Variants in CEP15 observed in about 807,000 individuals in gnomAD.
CEP15 encodes the protein centrosomal protein 15 kDa.
chr3:62,324,351 C>T, the CEP15 span, among the ~76,000 whole-genome samples: 2 of 152,102 alleles, frequency 1.3e-5, no homozygotes, highest in East Asian at 3.9e-4. Flanking sequence ...TATGATCATG[C>T]ACTGCAGTCA....
At chr3:62,324,304 G>A in the CEP15 span, among the ~76,000 whole-genome samples, 1 of 152,028 alleles carries the variant, frequency 6.6e-6, no homozygotes, top group African/African-American at 2.4e-5. Flanking sequence ...GTGGCAGGAA[G>A]TTCCCTTGAG....
the CEP15 span, chr3:62,319,437 GA>G: frequency 2.0e-5 from 3 of 152,100 alleles, no homozygotes; most frequent in Non-Finnish European, 2.9e-5. Context: ...CTGTAATTTA[GA>G]CCCCGGAGGG....
At chr3:62,324,788 G>A in the CEP15 span, among the ~76,000 whole-genome samples, 1 of 152,154 alleles carries the variant, frequency 6.6e-6, no homozygotes, top group African/African-American at 2.4e-5. Flanking sequence ...AAGCATTTCT[G>A]TAATAAGAGT....
the CEP15 span, chr3:62,333,417 T>C: frequency 1.2e-6 from 2 of 1,601,730 alleles, no homozygotes; most frequent in Admixed American, 3.4e-5. The surrounding 1 kb of genome is among the most constrained non-coding windows in gnomAD (Gnocchi z 4.0). Flanking sequence ...TCAAAAAGCC[T>C]GTTTAATAAA....
chr3:62,322,237 A>T, the CEP15 span: 1 of 536,514 alleles, frequency 1.9e-6, no homozygotes, highest in Non-Finnish European at 3.1e-6. The surrounding 1 kb of genome is among the most constrained non-coding windows in gnomAD (Gnocchi z 5.5). Flanking sequence ...CATTTTTTTA[A>T]ATTAAAAAAA....
chr3:62,324,494 G>A, the CEP15 span, among the ~76,000 whole-genome samples: 1 of 152,084 alleles, frequency 6.6e-6, no homozygotes, highest in Non-Finnish European at 1.5e-5. Flanking sequence ...CTCATGTAAA[G>A]GTATTTAACT....
the CEP15 span, among the ~76,000 whole-genome samples, chr3:62,330,637 A>T: frequency 6.6e-6 from 1 of 152,166 alleles, no homozygotes; most frequent in South Asian, 2.1e-4. Context: ...ACATTAAAGC[A>T]TGGTGCTTGA....
chr3:62,332,833 A>G, the CEP15 span, among the ~76,000 whole-genome samples: 1 of 152,150 alleles, frequency 6.6e-6, no homozygotes, highest in East Asian at 1.9e-4. Context: ...ATCCTGAAGC[A>G]TGATTTATGT....
the CEP15 span, among the ~76,000 whole-genome samples, chr3:62,332,067 C>T: frequency 6.6e-6 from 1 of 152,042 alleles, no homozygotes; most frequent in South Asian, 2.1e-4. Flanking sequence ...TCTGTGTCAT[C>T]TAGGGTAATA....
the CEP15 span, among the ~76,000 whole-genome samples, chr3:62,321,489 G>C: frequency 3.3e-5 from 5 of 152,128 alleles, no homozygotes; most frequent in African/African-American, 4.8e-5. The surrounding 1 kb of genome is among the most constrained non-coding windows in gnomAD (Gnocchi z 4.1). Context: ...TGTAACATGA[G>C]ATTCAGGGGT....
chr3:62,323,398 C>T, the CEP15 span, among the ~76,000 whole-genome samples: 1 of 152,134 alleles, frequency 6.6e-6, no homozygotes, highest in Non-Finnish European at 1.5e-5. Flanking sequence ...CTGTTGGATT[C>T]TTACAAAAGA....
the CEP15 span, among the ~76,000 whole-genome samples, chr3:62,321,078 C>T: frequency 1.3e-5 from 2 of 152,136 alleles, no homozygotes; most frequent in Admixed American, 1.3e-4. This position sits in a 1 kb window ranked among gnomAD's most constrained non-coding sequence, Gnocchi z 4.1. Context: ...TGTTCATAGA[C>T]CTGAGATTTT....
chr3:62,333,224 T>C, the CEP15 span: 2 of 1,603,108 alleles, frequency 1.2e-6, no homozygotes, highest in Non-Finnish European at 8.5e-7. This position sits in a 1 kb window ranked among gnomAD's most constrained non-coding sequence, Gnocchi z 4.0. Flanking sequence ...TTGCTTGATA[T>C]GCTTTTTTAC....
chr3:62,320,453 A>G, the CEP15 span: 1 of 1,607,872 alleles, frequency 6.2e-7, no homozygotes. Flanking sequence ...TTTATTCTTT[A>G]TGACAGCTTT....
chr3:62,331,394 C>T, the CEP15 span: 3 of 1,612,708 alleles, frequency 1.9e-6, no homozygotes, highest in Non-Finnish European at 2.5e-6. Flanking sequence ...GGTGGTTTCT[C>T]TTGAGGTGAG....
chr3:62,325,721 GT>G, the CEP15 span, among the ~76,000 whole-genome samples: 2 of 152,134 alleles, frequency 1.3e-5, no homozygotes, highest in African/African-American at 4.8e-5. Context: ...ATAAAATTTA[GT>G]TTTATCTAGA....
At chr3:62,325,702 G>A in the CEP15 span, among the ~76,000 whole-genome samples, 10 of 152,170 alleles carry the variant, frequency 6.6e-5, no homozygotes, top group South Asian at 8.3e-4. Flanking sequence ...CTCTCCCCAC[G>A]TACCTACCAT....
the CEP15 span, among the ~76,000 whole-genome samples, chr3:62,330,758 C>T: frequency 6.6e-6 from 1 of 152,090 alleles, no homozygotes; most frequent in Non-Finnish European, 1.5e-5. Context: ...GTTCTTGTCA[C>T]TAAGTACTGA....
the CEP15 span, among the ~76,000 whole-genome samples, chr3:62,321,526 T>C: frequency 6.6e-6 from 1 of 152,204 alleles, no homozygotes; most frequent in Non-Finnish European, 1.5e-5. This position sits in a 1 kb window ranked among gnomAD's most constrained non-coding sequence, Gnocchi z 4.1. Flanking sequence ...GAAGGTTTCA[T>C]ATAGCAAGTT....
Sources: allele counts gnomAD v4.1 joint callset (sites outside exome capture counted in the v4.1 genomes callset), GRCh38; gene constraint gnomAD v4.1.1; non-coding constraint Gnocchi (gnomAD v3.1); transcripts MANE v1.5; gene names NCBI Gene and HGNC (gene_info 2026-07-23, HGNC 2026-07-21).